The following ACOT11 variants were observed in gnomAD, a reference collection of about 807,000 sequenced individuals.
ACOT11 encodes the protein acyl-coenzyme A thioesterase 11.
A neutral mutation model predicts 77.5 loss-of-function variants in ACOT11; 69 were observed. The observed-to-expected ratio is 0.89, with a 90% confidence interval of 0.73 to 1.09. The LOEUF (loss-of-function observed/expected upper bound fraction) is 1.09, where lower values mean the gene tolerates loss of function less well. ACOT11 is among the 50% of genes least tolerant of loss of function. ACOT11 has a pLI of 0.00. For synonymous variants in ACOT11, 279 were observed against 313.0 expected (o/e 0.89, Z 1.15); for missense variants, 766 against 813.7 (o/e 0.94, Z 0.71).
intron 1 of ACOT11, among the ~76,000 whole-genome samples, chr1:54,565,922 T>C (rs1167793224): frequency 6.6e-6 from 1 of 152,152 alleles, no homozygotes; most frequent in African/African-American, 2.4e-5. Context: ...TGGTATTACC[T>C]CTCATTCTTT....
intron 7 of ACOT11, 111 bp from the exon 8 acceptor site, chr1:54,599,182 ATAT>A (rs1196820836): frequency 8.5e-5 from 1 of 11,802 alleles, no homozygotes; most frequent in Non-Finnish European, 1.4e-4. Flanking sequence ...AAAAAAAAAA[ATAT>A]ATATATATAT....
intron 15 of ACOT11, chr1:54,628,249 T>C (rs902183266): frequency 7.4e-6 from 1 of 134,322 alleles, no homozygotes; most frequent in African/African-American, 2.5e-5. Flanking sequence ...GGCTGTGTTA[T>C]GTGGGTTACT....
At chr1:54,560,414 AC>A (rs1048015066) in intron 1 of ACOT11, among the ~76,000 whole-genome samples, 1 of 151,906 alleles carries the variant, frequency 6.6e-6, no homozygotes, top group African/African-American at 2.4e-5. Context: ...ACCCTCCTTG[AC>A]CCCCTTGTCC....
intron 1 of ACOT11, among the ~76,000 whole-genome samples, chr1:54,581,999 C>G (rs7554616): frequency 0.15 from 22,892 of 152,254 alleles, 3,141 homozygotes; most frequent in African/African-American, 0.37. Context: ...GTCCCTGCTG[C>G]CTGTGCTCCA....
At chr1:54,617,189 G>A (rs1644181791) in intron 15 of ACOT11, among the ~76,000 whole-genome samples, 2 of 152,120 alleles carry the variant, frequency 1.3e-5, no homozygotes, top group South Asian at 4.2e-4. Flanking sequence ...ATTCAGTCTA[G>A]TAGGGAGCTC....
At chr1:54,590,724 A>G (rs1654681570) in intron 3 of ACOT11, among the ~76,000 whole-genome samples, 1 of 152,166 alleles carries the variant, frequency 6.6e-6, no homozygotes, top group Non-Finnish European at 1.5e-5. Flanking sequence ...AATTTGCTGT[A>G]TCTATGTATG....
At chr1:54,612,128 G>C (rs538671017), downstream of ACOT11, among the ~76,000 whole-genome samples, 80 of 151,530 alleles carry the variant, frequency 5.3e-4, no homozygotes, top group Admixed American at 1.2e-3. Context: ...GGGGGCAGGG[G>C]AGTCTCTAAA....
chr1:54,556,666 C>T (rs1247700381), intron 1 of ACOT11, among the ~76,000 whole-genome samples: 1 of 151,944 alleles, frequency 6.6e-6, no homozygotes. Context: ...ACTGCAACCT[C>T]TGCCTCCTGG....
Position 54,609,333 on chromosome 1 carries a change from G to T in ACOT11, c.*221G>T. 6.2e-7 allele frequency: 1 copy of T among 1,613,970 alleles called. No homozygotes were observed. Among genetic ancestry groups the T allele is most frequent in the Non-Finnish European group, 8.5e-7 (1 of 1,179,908 alleles). On this transcript the variant is annotated 3_prime_UTR_variant, in exon 16 of 16. Coordinates refer to ENST00000343744, the MANE Select transcript of ACOT11 (RefSeq NM_147161.4). ...CCCTGGGGTAGCCTGTAGTAGACTC[G>T]GGTCCTGTCCACAGCCCTAGCTGCC...
At position 54,592,552 on chromosome 1, in the gene ACOT11, A is replaced by G. The variant is rs759118061; in HGVS notation, c.318A>G (p.Gly106=). 9.3e-6 allele frequency: 15 copies of G among 1,612,550 alleles called. No individual in the cohort carries two copies. The highest frequency in any genetic ancestry group is 1.2e-5 in the Non-Finnish European group (14 of 1,179,408). ...CCTACTTTCCTCTCCCCAGTGTTGG[A>G]CAAGTGGTGAATATCAAGGCCAAGG... ...DIYFEHTISV[G]QVVNIKAKVN... is the part of the protein sequence containing the mutation. Residue 106 remains glycine (G), a synonymous_variant, in exon 4 of 16, where the codon GGA becomes GGG. Transcript: ENST00000343744.
chr1:54,634,768 G>A lies in ACOT11; in HGVS notation c.*39G>A, dbSNP rs1274911313. 5 of 700,816 alleles carry A rather than the reference G, an allele frequency of 7.1e-6. No individual in the cohort carries two copies. In the Admixed American group the frequency reaches 1.0e-4, roughly 14 times the overall value. The allele number at this position is 700,816 out of a possible 1,614,324, so 43.4% of individuals were successfully genotyped here. Reference sequence around the variant, plus strand: ...GCCAGATGCCAAGGAAGAGACTCTGGGAGGATCCAGAGGACCCCCTGGTTG... The same window carrying A: ...GCCAGATGCCAAGGAAGAGACTCTGAGAGGATCCAGAGGACCCCCTGGTTG... On this transcript the variant is annotated 3_prime_UTR_variant, in exon 17 of 17. Coordinates refer to the ACOT11 transcript ENST00000371316.
In ACOT11 at chr1:54,627,046, G is replaced by A. The variant is rs1267166293; in HGVS notation, c.1630-3688G>A. Reference sequence around the variant, plus strand: ...TAATTTTTGTATTTTTAGTAAAGACGGGGTTTCACCATGTTGGCCAGGCTG... The same window carrying A: ...TAATTTTTGTATTTTTAGTAAAGACAGGGTTTCACCATGTTGGCCAGGCTG... On this transcript the variant is annotated intron_variant, in intron 15 of 16. Transcript: ENST00000371316. Among the ~76,000 whole-genome samples the A allele has an allele frequency of 3.0e-5, 4 of 133,944 alleles. 1 individual carries two copies. In the East Asian group the frequency reaches 9.4e-4, roughly 31 times the overall value. 87.9% of individuals were successfully genotyped at this position (133,944 alleles called of 152,430 possible).
At chr1:54,623,479 A>G in intron 15 of ACOT11, 1 of 983,174 alleles carries the variant, frequency 1.0e-6, no homozygotes, top group Non-Finnish European at 1.6e-6. Flanking sequence ...TGTGGGAGGC[A>G]GGAGCTCCCA....
intron 1 of ACOT11, among the ~76,000 whole-genome samples, chr1:54,559,789 T>C (rs899495273): frequency 6.6e-6 from 1 of 152,214 alleles, no homozygotes; most frequent in African/African-American, 2.4e-5. Context: ...ACCAAGGCTC[T>C]GGTATGAAGC....
chr1:54,618,978 G>A (rs1644201881), intron 15 of ACOT11, among the ~76,000 whole-genome samples: 1 of 152,136 alleles, frequency 6.6e-6, no homozygotes, highest in South Asian at 2.1e-4. Flanking sequence ...TATTTCTGTT[G>A]CTTCAGCGTA....
intron 1 of ACOT11, among the ~76,000 whole-genome samples, chr1:54,561,711 G>C (rs1421444723): frequency 4.8e-4 from 63 of 131,402 alleles, no homozygotes; most frequent in Non-Finnish European, 7.9e-4. Flanking sequence ...TCCCGGACGG[G>C]GCGGCTGGCC....
downstream of ACOT11, chr1:54,611,542 G>A (rs1163928512): frequency 2.6e-6 from 4 of 1,555,124 alleles, no homozygotes; most frequent in Admixed American, 1.7e-5. Flanking sequence ...CTGCTCCAGT[G>A]CCCACCAGGT....
chr1:54,574,905 A>G (rs1654053936), intron 1 of ACOT11, among the ~76,000 whole-genome samples: 1 of 152,232 alleles, frequency 6.6e-6, no homozygotes, highest in Non-Finnish European at 1.5e-5. Flanking sequence ...ACAAAACTGC[A>G]CAGTTAGCCA....
chr1:54,600,645 T>C (rs1643950265), intron 8 of ACOT11, among the ~76,000 whole-genome samples: 1 of 152,160 alleles, frequency 6.6e-6, no homozygotes, highest in Non-Finnish European at 1.5e-5. Flanking sequence ...ATTGTACCAC[T>C]GTACTCCAGC....
Sources: allele counts gnomAD v4.1 joint callset (sites outside exome capture counted in the v4.1 genomes callset), GRCh38; gene constraint gnomAD v4.1.1; transcripts MANE v1.5; gene names NCBI Gene and HGNC (gene_info 2026-07-23, HGNC 2026-07-21).